Variants in ZNF638 observed in about 807,000 individuals in gnomAD.
ZNF638 encodes CTCL tumor antigen se33-1.
A neutral mutation model predicts 195.6 loss-of-function variants in ZNF638; 46 were observed. That is an observed-to-expected ratio of 0.24 (90% CI 0.19 to 0.30). ZNF638 has a LOEUF of 0.30. ZNF638 is among the 10% of genes least tolerant of loss of function. ZNF638 has a pLI of 1.00. For synonymous variants in ZNF638, 845 were observed against 772.0 expected, an observed-to-expected ratio of 1.09 and a Z score of -1.57; for missense variants, 2,440 against 2,325.3, an observed-to-expected ratio of 1.05 and a Z score of -1.01.
At position 71,398,725 on chromosome 2, in the gene ZNF638, C is replaced by G; in HGVS notation, c.2453C>G (p.Ser818Cys). 6.2e-7 allele frequency: 1 copy of G among 1,613,370 alleles called. No individual in the cohort carries two copies. Among genetic ancestry groups the G allele is most frequent in the Non-Finnish European group, 8.5e-7 (1 of 1,179,524 alleles). The change falls in exon 12 of 28, where the codon TCT (serine) becomes TGT (cysteine). Residue 818 changes from serine to cysteine, a missense_variant. By Grantham distance (112) the Ser-to-Cys change is moderately radical. Transcript: ENST00000264447. ...STGKSASSVKSVVTVAVKGNK... is the reference protein window; with the variant it reads ...STGKSASSVKCVVTVAVKGNK... Reference sequence around the variant, plus strand: ...GGGAAATCAGCAAGTTCTGTAAAATCTGTGGTAACGGTAGCTGTTAAAGGT... The same window carrying G: ...GGGAAATCAGCAAGTTCTGTAAAATGTGTGGTAACGGTAGCTGTTAAAGGT...
chr2:71,423,615 G>C lies in ZNF638; in HGVS notation c.4101G>C (p.Val1367=), dbSNP rs769573657. The C allele has an allele frequency of 6.2e-7, 1 of 1,613,948 alleles. No individual in the cohort carries two copies. Among genetic ancestry groups the C allele is most frequent in the Non-Finnish European group, 8.5e-7 (1 of 1,179,994 alleles). Residue 1367 remains valine, a synonymous_variant, in exon 22 of 28, where the codon GTG becomes GTC. Transcript: ENST00000264447. The part of the protein sequence containing the change: ...TLFKAYPNKG[V]GQANKPDETS... Reference sequence around the variant, plus strand: ...TCAAGGCATACCCAAATAAAGGAGTGGGTCAGGCTAATAAGCCTGATGAAA... The same window carrying C: ...TCAAGGCATACCCAAATAAAGGAGTCGGTCAGGCTAATAAGCCTGATGAAA...
At chr2:71,380,453 A>G in intron 9 of ZNF638, 60 bp from the exon 10 acceptor site, 1 of 1,440,684 alleles carries the variant, frequency 6.9e-7, no homozygotes, top group Non-Finnish European at 9.5e-7. Flanking sequence ...TTACATTTTT[A>G]GGATTTTGTA....
In ZNF638 at chr2:71,423,646, A is replaced by G. The variant is rs2080476193; in HGVS notation, c.4132A>G (p.Lys1378Glu). 6.2e-7 allele frequency: 1 copy of G among 1,613,652 alleles called. No individual in the cohort carries two copies. Among genetic ancestry groups the G allele is most frequent in the Admixed American group, 1.7e-5 (1 of 59,936 alleles). The change falls in exon 22 of 28, where the codon AAA becomes GAA. Residue 1378 changes from lysine (K) to glutamate (E), a missense_variant. Physicochemically the swap from Lys to Glu is moderately conservative, Grantham distance 56. This residue lies in a region of ZNF638 where 1,883 missense variants were observed against 1,739.1 expected (regional missense o/e 1.08). Transcript: ENST00000264447. The stretch of plus-strand genomic sequence containing the variant: ...GGCTAATAAGCCTGATGAAACTAGT[A>G]AAACTAGTATTCTGGCTGTATCAGA... Reference protein sequence around the residue: ...GQANKPDETSKTSILAVSDVS... With the variant: ...GQANKPDETSETSILAVSDVS...
rs1196433231 is a variant in ZNF638, at chr2:71,427,420, T to TA, written c.5545+7dup. ...GATTGAAAGACACTTAACAGGTAGA[T>TA]ACTTGGAAGGGGTAGTCTTTCTGTT... On this transcript the variant is annotated splice_region_variant and intron_variant, in intron 24 of 27. Transcript: ENST00000264447. The TA allele has an allele frequency of 6.5e-7, 1 of 1,530,678 alleles. No homozygotes were observed. Among genetic ancestry groups the TA allele is most frequent in the Non-Finnish European group, 8.7e-7 (1 of 1,146,106 alleles). 94.8% of individuals were successfully genotyped at this position (1,530,678 alleles called of 1,614,324 possible). A position where few individuals can be genotyped will look rare whatever the true frequency, so the allele number is the denominator to read the frequency against.
At chr2:71,401,233 C>CTA (rs1313256701) in intron 15 of ZNF638, among the ~76,000 whole-genome samples, 2 of 151,920 alleles carry the variant, frequency 1.3e-5, no homozygotes, top group Non-Finnish European at 2.9e-5. Context: ...GCCAAGTTGA[C>CTA]TATAGCACAT....
chr2:71,332,019 C>G, intron 1 of ZNF638, 144 bp downstream of exon 1: 110 of 278,050 alleles, frequency 4.0e-4, no homozygotes, highest in Non-Finnish European at 5.5e-4. Context: ...GGGCAGACGG[C>G]GGGGGCGGGA....
chr2:71,383,907 C>G lies in ZNF638; in HGVS notation c.2377+3342C>G, dbSNP rs1269335676. ...GTGAGCCACCATGCCTGGCCCTCTT[C>G]CTGGGTGATTTCTTTCCTGTCAGTC... On this transcript the variant is annotated intron_variant, in intron 10 of 27. Coordinates refer to ENST00000264447, the MANE Select transcript of ZNF638 (RefSeq NM_014497.5). Among the ~76,000 whole-genome samples, 4 of 151,486 alleles carry G rather than the reference C, an allele frequency of 2.6e-5. No individual in the cohort carries two copies. The East Asian group carries it at 7.7e-4, about 29-fold the overall frequency.
chr2:71,350,980 TATAATGTAGAAC>T (rs1473713771), intron 2 of ZNF638, among the ~76,000 whole-genome samples: 6 of 152,232 alleles, frequency 3.9e-5, no homozygotes, highest in African/African-American at 1.4e-4. Flanking sequence ...TGAAGTGTAC[TATAATGTAGAAC>T]ATACTGTTCA....
In ZNF638 at chr2:71,428,606, G is replaced by A. The variant is rs748844658; in HGVS notation, c.5605G>A (p.Val1869Met). ...AACTCTGCCATCAGAAAAAGCTGTT[G>A]TGACAGAACCAGCAAAAGGTGAAGA... The part of the protein sequence containing the change: ...GKTLPSEKAV[V>M]TEPAKGEEAF... Residue 1869 changes from valine to methionine, a missense_variant, in exon 25 of 28, where the codon GTG becomes ATG. Val to Met is a conservative substitution (Grantham distance 21). This residue lies in a region of ZNF638 where 1,883 missense variants were observed against 1,739.1 expected (regional missense o/e 1.08). Transcript: ENST00000264447. The A allele has an allele frequency of 2.8e-5, 45 of 1,613,958 alleles. No homozygotes were observed. The highest frequency in any genetic ancestry group is 3.5e-5 in the Non-Finnish European group (41 of 1,180,002).
At position 71,350,083 on chromosome 2, in the gene ZNF638, G is replaced by A. The variant is rs147367833; in HGVS notation, c.1129G>A (p.Ala377Thr). The change falls in exon 2 of 28, where the codon GCT becomes ACT. Residue 377 changes from alanine (A) to threonine (T), a missense_variant. By Grantham distance (58) the Ala-to-Thr change is moderately conservative. This residue lies in a region of ZNF638 where 305 missense variants were observed against 283.6 expected (regional missense o/e 1.08). Coordinates refer to ENST00000264447, the MANE Select transcript of ZNF638 (RefSeq NM_014497.5). ...AAGTAAAAAGAATTACCAGTCACAG[G>A]CTGACATTCCCATTCGGTCTCCCTT... Reference protein sequence around the residue: ...RGSKKNYQSQADIPIRSPFGI... With the variant: ...RGSKKNYQSQTDIPIRSPFGI... The A allele has an allele frequency of 1.1e-5, 17 of 1,614,000 alleles. No individual in the cohort carries two copies. Among genetic ancestry groups the A allele is most frequent in the Non-Finnish European group, 1.7e-6 (2 of 1,180,028 alleles).
At chr2:71,380,597 G>C in intron 10 of ZNF638, 32 bp downstream of exon 10, 1 of 1,551,586 alleles carries the variant, frequency 6.4e-7, no homozygotes, top group Non-Finnish European at 8.8e-7. Flanking sequence ...TCTTTCAAAT[G>C]AGTGTATCTT....
chr2:71,375,498 GT>G (rs2079404274), intron 8 of ZNF638: 1 of 152,096 alleles, frequency 6.6e-6, no homozygotes, highest in African/African-American at 2.4e-5. Context: ...AGCAAAATGA[GT>G]TTTTGTTTTC....
At chr2:71,361,157 T>G (rs1028327363) in intron 3 of ZNF638, among the ~76,000 whole-genome samples, 1 of 152,186 alleles carries the variant, frequency 6.6e-6, no homozygotes, top group African/African-American at 2.4e-5. Flanking sequence ...GAGACAGGGT[T>G]GCCAAAGCTG....
At chr2:71,419,071 TG>T (rs1445717027) in intron 21 of ZNF638, among the ~76,000 whole-genome samples, 1 of 152,216 alleles carries the variant, frequency 6.6e-6, no homozygotes, top group Admixed American at 6.5e-5. Context: ...ACAACTGGGT[TG>T]GGGCGAGTAA....
intron 8 of ZNF638, among the ~76,000 whole-genome samples, chr2:71,377,989 GTATT>G (rs1463801757): frequency 1.3e-5 from 2 of 152,202 alleles, no homozygotes; most frequent in African/African-American, 4.8e-5. Context: ...TGTTAAGGCA[GTATT>G]TATTCTCAGA....
chr2:71,385,047 G>T (rs2079609483), intron 10 of ZNF638, among the ~76,000 whole-genome samples: 1 of 152,176 alleles, frequency 6.6e-6, no homozygotes, highest in Admixed American at 6.5e-5. Context: ...GGGGAAATGA[G>T]AAAAGGTGGG....
intron 27 of ZNF638, 76 bp from the exon 28 acceptor site, chr2:71,434,666 T>C (rs1320005883): frequency 1.7e-6 from 2 of 1,189,814 alleles, no homozygotes; most frequent in Non-Finnish European, 2.4e-6. Flanking sequence ...AAATTATAAA[T>C]ATACAGTAGA....
At chr2:71,378,517 T>C (rs2079477228) in intron 8 of ZNF638, among the ~76,000 whole-genome samples, 1 of 152,210 alleles carries the variant, frequency 6.6e-6, no homozygotes, top group South Asian at 2.1e-4. Flanking sequence ...AGCATGACTT[T>C]ATGCACTGGG....
At chr2:71,389,849 T>C (rs1356541986) in intron 10 of ZNF638, among the ~76,000 whole-genome samples, 1 of 152,072 alleles carries the variant, frequency 6.6e-6, no homozygotes, top group African/African-American at 2.4e-5. Flanking sequence ...CTTATGAAAA[T>C]GCTAACGTCG....
Sources: gnomAD v4.1 joint callset for allele counts (sites outside exome capture counted in the v4.1 genomes callset) on GRCh38, gnomAD v4.1.1 for gene constraint, gnomAD v4.1.1 regional missense constraint, MANE v1.5 for transcripts, NCBI Gene and HGNC (gene_info 2026-07-23, HGNC 2026-07-21) for gene names.